Variants in WWOX observed in about 807,000 individuals in gnomAD.
The protein encoded by WWOX is WW domain containing oxidoreductase, also known as WW domain-containing oxidoreductase.
WWOX carries 69 observed loss-of-function variants against 46.2 expected under a neutral mutation model. The ratio of observed to expected loss-of-function variants is 1.49; its 90% CI spans 1.23 to 1.82. The LOEUF (loss-of-function observed/expected upper bound fraction) is 1.82. WWOX is among the 40% of genes most tolerant of loss of function. The pLI is 0.00. For synonymous variants in WWOX, 359 were observed against 202.6 expected (o/e 1.77, Z -6.56); for missense variants, 919 against 542.6 (o/e 1.69, Z -6.89).
chr16:78,421,601 C>T (rs1367958777), intron 6 of WWOX, among the ~76,000 whole-genome samples: 1 of 152,180 alleles, frequency 6.6e-6, no homozygotes, highest in Non-Finnish European at 1.5e-5. Context: ...CCATTCAACT[C>T]ACAGATTCCT....
At chr16:78,403,213 G>T (rs1316121115) in intron 6 of WWOX, among the ~76,000 whole-genome samples, 1 of 152,112 alleles carries the variant, frequency 6.6e-6, no homozygotes, top group African/African-American at 2.4e-5. Flanking sequence ...TTTTCTTATT[G>T]TTTGTAAGTT....
chr16:78,422,850 C>T lies in WWOX; in HGVS notation c.606-2020C>T, dbSNP rs1334282586. On this transcript the variant is annotated intron_variant, in intron 6 of 8. Transcript: ENST00000566780. ...ACATATATATATATACATATACACA[C>T]ACACACACACACACACACACACACA... Among the ~76,000 whole-genome samples the T allele has an allele frequency of 3.8e-3, 357 of 93,028 alleles. 4 individuals carry two copies. Among genetic ancestry groups the T allele is most frequent in the African/African-American group, 9.0e-3 (140 of 15,596 alleles). 61.0% of individuals were successfully genotyped at this position (93,028 alleles called of 152,430 possible).
chr16:78,852,134 T>C lies in WWOX; in HGVS notation c.1057-359474T>C, dbSNP rs145364361. On this transcript the variant is annotated intron_variant, in intron 8 of 8. Transcript: ENST00000566780. ...CATTTTGTTGTTGAAATGTTAGAGTTCAACCTTAAATACTTAAGAGCATGG... is the reference window on the plus strand; with the variant it reads ...CATTTTGTTGTTGAAATGTTAGAGTCCAACCTTAAATACTTAAGAGCATGG... Among the ~76,000 whole-genome samples, 493 of 152,326 alleles carry C rather than the reference T, an allele frequency of 3.2e-3. 3 individuals are homozygous for C. The highest frequency in any genetic ancestry group is 0.011 in the African/African-American group (466 of 41,578).
chr16:78,886,578 C>A (rs1391194145), intron 8 of WWOX, among the ~76,000 whole-genome samples: 2 of 150,464 alleles, frequency 1.3e-5, no homozygotes, highest in Admixed American at 6.6e-5. Flanking sequence ...ACACTTGGTA[C>A]ACATTGATAT....
At chr16:78,892,595 A>G (rs2044614730) in intron 8 of WWOX, among the ~76,000 whole-genome samples, 1 of 152,184 alleles carries the variant, frequency 6.6e-6, no homozygotes, top group South Asian at 2.1e-4. Context: ...CTCCACTTTT[A>G]CCTGTGTTAT....
rs60681938 is a variant in WWOX, at chr16:79,025,804, C to CTTTTTTTTTTTTTT, written c.1057-185793_1057-185792insTTTTTTTTTTTTTT. Among the ~76,000 whole-genome samples, 18 of 104,068 alleles carry CTTTTTTTTTTTTTT rather than the reference C, an allele frequency of 1.7e-4. 4 individuals are homozygous for CTTTTTTTTTTTTTT. Among genetic ancestry groups the CTTTTTTTTTTTTTT allele is most frequent in the Admixed American group, 2.5e-4 (2 of 8,090 alleles). 68.3% of individuals were successfully genotyped at this position (104,068 alleles called of 152,430 possible). A position where few individuals can be genotyped will look rare whatever the true frequency, so the allele number is the denominator to read the frequency against. On this transcript the variant is annotated intron_variant, in intron 8 of 8. Transcript: ENST00000566780. ...TTCTTTGCTTTGCTTTGCTTGCTTG[C>CTTTTTTTTTTTTTT]TTTTTTTTTTTGAGACGGAGTTTTG... is the stretch of plus-strand genomic sequence containing the variant.
rs558333819 is a variant in WWOX, at chr16:78,163,908, C to T, written c.410-275C>T. Among the ~76,000 whole-genome samples the T allele has an allele frequency of 9.9e-5, 15 of 152,220 alleles. No individual in the cohort carries two copies. In the South Asian group the frequency reaches 1.2e-3, roughly 13 times the overall value. Reference sequence around the variant, plus strand: ...TCTCACCATCACAGTGTTGACAGTCCGGGCCAGATGGTTCTATGTTGTCAG... The same window carrying T: ...TCTCACCATCACAGTGTTGACAGTCTGGGCCAGATGGTTCTATGTTGTCAG... On this transcript the variant is annotated intron_variant, in intron 4 of 8. Coordinates refer to ENST00000566780, the MANE Select transcript of WWOX (RefSeq NM_016373.4).
chr16:79,096,662 A>G (rs185064597), intron 8 of WWOX, among the ~76,000 whole-genome samples: 2 of 152,218 alleles, frequency 1.3e-5, no homozygotes, highest in African/African-American at 4.8e-5. Context: ...CCATCAATCC[A>G]AGCACAATTT....
chr16:78,802,882 C>T (rs369858266), intron 8 of WWOX, among the ~76,000 whole-genome samples: 1 of 128,398 alleles, frequency 7.8e-6, no homozygotes, highest in African/African-American at 3.0e-5. Flanking sequence ...TGCCATTGCA[C>T]TCCAGCCTGG....
At chr16:78,936,803 A>G (rs1193387672) in intron 8 of WWOX, among the ~76,000 whole-genome samples, 2 of 152,176 alleles carry the variant, frequency 1.3e-5, no homozygotes, top group Admixed American at 6.5e-5. Flanking sequence ...GTATGTCTAG[A>G]GTATGGTTTT....
intron 8 of WWOX, among the ~76,000 whole-genome samples, chr16:78,475,821 C>A (rs1409501979): frequency 6.6e-6 from 1 of 152,142 alleles, no homozygotes; most frequent in Admixed American, 6.6e-5. Context: ...TCTTGAACTC[C>A]TGAATTCAAA....
intron 8 of WWOX, among the ~76,000 whole-genome samples, chr16:78,475,865 G>A (rs1026860021): frequency 3.3e-5 from 5 of 152,132 alleles, no homozygotes; most frequent in Admixed American, 1.3e-4. Context: ...AAAATGCTGC[G>A]ATTACATTTT....
intron 8 of WWOX, among the ~76,000 whole-genome samples, chr16:79,023,965 A>AAACG (rs1034248694): frequency 6.7e-6 from 1 of 150,204 alleles, no homozygotes; most frequent in African/African-American, 2.5e-5. Context: ...AAAAACAAAC[A>AAACG]AAAAAAACAT....
At chr16:79,140,109 G>T (rs1479721653) in intron 8 of WWOX, among the ~76,000 whole-genome samples, 1 of 152,130 alleles carries the variant, frequency 6.6e-6, no homozygotes, top group African/African-American at 2.4e-5. Context: ...AGAACATTAA[G>T]CTCCTTACCT....
intron 8 of WWOX, among the ~76,000 whole-genome samples, chr16:79,000,960 A>G (rs555911937): frequency 6.6e-6 from 1 of 152,164 alleles, no homozygotes; most frequent in African/African-American, 2.4e-5. Context: ...GTGTGGTTCA[A>G]CTATGAGATT....
At chr16:78,731,159 A>C (rs2048960823) in intron 8 of WWOX, among the ~76,000 whole-genome samples, 1 of 152,054 alleles carries the variant, frequency 6.6e-6, no homozygotes, top group Admixed American at 6.6e-5. Context: ...AAGGAGTTCT[A>C]ACTCTTCTTG....
intron 8 of WWOX, among the ~76,000 whole-genome samples, chr16:78,653,034 A>G (rs571243689): frequency 5.9e-5 from 9 of 152,322 alleles, no homozygotes; most frequent in East Asian, 5.8e-4. Flanking sequence ...AAAATGTTCT[A>G]TTAATTCCAC....
At chr16:78,449,278 A>C (rs1350515028) in intron 8 of WWOX, among the ~76,000 whole-genome samples, 1 of 152,200 alleles carries the variant, frequency 6.6e-6, no homozygotes, top group Non-Finnish European at 1.5e-5. Flanking sequence ...AATGAAAGTC[A>C]CAGTTCTTTG....
chr16:79,067,739 C>T (rs1031292252), intron 8 of WWOX, among the ~76,000 whole-genome samples: 1 of 152,070 alleles, frequency 6.6e-6, no homozygotes, highest in Admixed American at 6.5e-5. Context: ...ATTCGCTGTG[C>T]CTATGGTAGT....
Sources: gnomAD v4.1 joint callset for allele counts (sites outside exome capture counted in the v4.1 genomes callset) on GRCh38, gnomAD v4.1.1 for gene constraint, MANE v1.5 for transcripts, NCBI Gene and HGNC (gene_info 2026-07-23, HGNC 2026-07-21) for gene names.